The following CERS3 variants were observed in gnomAD, a reference collection of about 807,000 sequenced individuals.
CERS3 encodes LAG1 homolog, ceramide synthase 3.
CERS3 carries 33 observed loss-of-function variants against 50.3 expected under a neutral mutation model. That is an observed-to-expected ratio of 0.66 (90% CI 0.50 to 0.88). The LOEUF is 0.88. Ranked by LOEUF, CERS3 falls within the 40% of genes least tolerant of loss-of-function variation. The pLI is 0.00. For missense variants in CERS3, 470 were observed against 460.3 expected (o/e 1.02, Z -0.19); for synonymous variants, 176 against 155.2 (o/e 1.13, Z -0.99).
chr15:100,497,285 A>G (rs143496991), intron 3 of CERS3, among the ~76,000 whole-genome samples: 2 of 150,930 alleles, frequency 1.3e-5, no homozygotes, highest in Non-Finnish European at 3.0e-5. Flanking sequence ...AGACACACAC[A>G]GAGAGAGAGA....
upstream of CERS3, among the ~76,000 whole-genome samples, chr15:100,533,627 A>C (rs1319836625): frequency 7.6e-6 from 1 of 132,032 alleles, no homozygotes; most frequent in African/African-American, 2.9e-5. Flanking sequence ...GCGCAATCTC[A>C]GCTCACTGCA....
At chr15:100,423,805 CCTGCT>C (rs2032625691) in intron 11 of CERS3, among the ~76,000 whole-genome samples, 1 of 152,160 alleles carries the variant, frequency 6.6e-6, no homozygotes, top group Non-Finnish European at 1.5e-5. Flanking sequence ...GTAAGATGTG[CCTGCT>C]TCCTCTTCAC....
intron 10 of CERS3, among the ~76,000 whole-genome samples, chr15:100,458,812 C>T (rs954272731): frequency 3.3e-5 from 5 of 152,162 alleles, no homozygotes; most frequent in African/African-American, 1.2e-4. Context: ...ACGAGGTGAT[C>T]ACTACCTATG....
At chr15:100,448,988 A>C (rs2034050749) in intron 11 of CERS3, among the ~76,000 whole-genome samples, 1 of 152,084 alleles carries the variant, frequency 6.6e-6, no homozygotes, top group Non-Finnish European at 1.5e-5. Context: ...CTGCCACTGA[A>C]AGTAACCCCA....
At chr15:100,403,740 A>G (rs1345810555) in intron 11 of CERS3, among the ~76,000 whole-genome samples, 2 of 152,256 alleles carry the variant, frequency 1.3e-5, no homozygotes, top group Non-Finnish European at 2.9e-5. Flanking sequence ...AGGACATTTA[A>G]TTTGTAATCA....
At chr15:100,508,991 T>C (rs1473793001) in intron 2 of CERS3, among the ~76,000 whole-genome samples, 2 of 152,234 alleles carry the variant, frequency 1.3e-5, no homozygotes, top group African/African-American at 2.4e-5. Context: ...TTTATTTCTT[T>C]GTACTTTGGG....
chr15:100,426,006 C>T (rs1310459286), intron 11 of CERS3: 1 of 152,388 alleles, frequency 6.6e-6, no homozygotes, highest in Non-Finnish European at 1.5e-5. Context: ...GTAAGAAGTG[C>T]CTGCTTTCCC....
intron 11 of CERS3, among the ~76,000 whole-genome samples, chr15:100,418,809 G>T (rs2032172598): frequency 6.8e-6 from 1 of 146,778 alleles, no homozygotes; most frequent in African/African-American, 2.5e-5. Flanking sequence ...TTTCAACCCA[G>T]AATTTCATAT....
chr15:100,467,837 GTATATATA>G (rs1224034259), intron 10 of CERS3, among the ~76,000 whole-genome samples: 1 of 56,356 alleles, frequency 1.8e-5, no homozygotes, highest in African/African-American at 5.6e-5. Flanking sequence ...ATATATACGT[GTATATATA>G]TATATATAGA....
At chr15:100,430,169 A>G (rs1182594601) in intron 11 of CERS3, among the ~76,000 whole-genome samples, 4 of 151,922 alleles carry the variant, frequency 2.6e-5, no homozygotes, top group East Asian at 1.9e-4. Flanking sequence ...AAAGTTAGCC[A>G]GTTGTGGTGG....
intron 10 of CERS3, among the ~76,000 whole-genome samples, chr15:100,459,640 C>G (rs945253413): frequency 6.6e-6 from 1 of 152,146 alleles, no homozygotes; most frequent in African/African-American, 2.4e-5. Flanking sequence ...CTTAGAATAG[C>G]TAAAATCCTG....
chr15:100,522,602 A>T (rs912089543), intron 1 of CERS3, among the ~76,000 whole-genome samples: 21 of 152,194 alleles, frequency 1.4e-4, no homozygotes, highest in African/African-American at 5.1e-4. Flanking sequence ...AACTTTTAGA[A>T]CTGAGATGCA....
chr15:100,459,575 G>C (rs2034485306), intron 10 of CERS3, among the ~76,000 whole-genome samples: 1 of 152,160 alleles, frequency 6.6e-6, no homozygotes, highest in Non-Finnish European at 1.5e-5. Context: ...TTATAGGCAT[G>C]AACCACCACG....
intron 11 of CERS3, among the ~76,000 whole-genome samples, chr15:100,448,452 C>T (rs936321988): frequency 5.9e-5 from 9 of 152,204 alleles, no homozygotes; most frequent in African/African-American, 1.9e-4. Flanking sequence ...TGGACTCCTG[C>T]AATCCTAGCC....
chr15:100,442,548 C>T (rs1161580418), intron 11 of CERS3, among the ~76,000 whole-genome samples: 1 of 152,200 alleles, frequency 6.6e-6, no homozygotes, highest in Non-Finnish European at 1.5e-5. Context: ...CTGCCTCCCC[C>T]AGGAGCTTGC....
At chr15:100,511,469 CAG>C in intron 2 of CERS3, among the ~76,000 whole-genome samples, 1 of 149,580 alleles carries the variant, frequency 6.7e-6, no homozygotes, top group East Asian at 2.0e-4. Context: ...TTTCCATTAA[CAG>C]TCTGTTACAT....
chr15:100,421,156 G>C (rs946448761), intron 11 of CERS3, among the ~76,000 whole-genome samples: 3 of 151,840 alleles, frequency 2.0e-5, no homozygotes, highest in African/African-American at 7.3e-5. Flanking sequence ...CATGTTTGCA[G>C]ACAACATGAT....
chr15:100,442,191 A>T (rs1434075075), intron 11 of CERS3, among the ~76,000 whole-genome samples: 2 of 152,050 alleles, frequency 1.3e-5, no homozygotes, highest in African/African-American at 4.8e-5. Context: ...AAATATAAAA[A>T]CCCAGCCCAG....
intron 2 of CERS3, among the ~76,000 whole-genome samples, chr15:100,505,401 A>G (rs1396631114): frequency 6.6e-6 from 1 of 152,248 alleles, no homozygotes; most frequent in Non-Finnish European, 1.5e-5. Context: ...AGCCATAGAA[A>G]CTTTAATACT....
Sources: gnomAD v4.1 joint callset for allele counts (sites outside exome capture counted in the v4.1 genomes callset) on GRCh38, gnomAD v4.1.1 for gene constraint, MANE v1.5 for transcripts, NCBI Gene and HGNC (gene_info 2026-07-23, HGNC 2026-07-21) for gene names.